Variants in RXFP1 observed in about 807,000 individuals in gnomAD.
RXFP1 encodes the protein relaxin family peptide receptor 1.
Under a neutral mutation model 89.8 loss-of-function variants are expected in RXFP1, and 73 were observed. The observed-to-expected ratio is 0.81, with a 90% CI of 0.67 to 0.99. The LOEUF (loss-of-function observed/expected upper bound fraction) is 0.99, where lower values mean the gene tolerates loss of function less well. Ranked by LOEUF, RXFP1 falls within the 50% of genes least tolerant of loss-of-function variation. The pLI is 0.00. For missense variants in RXFP1, 793 were observed against 895.5 expected, an observed-to-expected ratio of 0.89 and a Z score of 1.46; for synonymous variants, 277 against 305.5, an observed-to-expected ratio of 0.91 and a Z score of 0.97.
intron 2 of RXFP1, among the ~76,000 whole-genome samples, chr4:158,585,416 C>A (rs1415219213): frequency 6.6e-6 from 1 of 152,194 alleles, no homozygotes; most frequent in African/African-American, 2.4e-5. Flanking sequence ...TGTCCCCAAT[C>A]AAATCTCATC....
At chr4:158,647,646 A>T (rs1408527463) in intron 16 of RXFP1, among the ~76,000 whole-genome samples, 1 of 152,182 alleles carries the variant, frequency 6.6e-6, no homozygotes, top group Non-Finnish European at 1.5e-5. Flanking sequence ...AGGTGGGAGG[A>T]TCACTTGAGG....
chr4:158,633,417 TA>T lies in RXFP1; in HGVS notation c.914del (p.Asn305IlefsTer14). The T allele has an allele frequency of 6.3e-7, 1 of 1,585,684 alleles. No individual in the cohort carries two copies. Among genetic ancestry groups the T allele is most frequent in the Non-Finnish European group, 8.7e-7 (1 of 1,155,608 alleles). ...QKLDELDLGS[N>X]KIENLPPLIF... is the part of the protein sequence containing the mutation. ...ATTATTTCTCCAGGGATTTAGGAAG[TA>T]ATAAGATTGAAAATCTTCCACCGCT... is the stretch of plus-strand genomic sequence containing the variant. On this transcript the variant is annotated frameshift_variant, in exon 12 of 18. Coordinates refer to ENST00000307765, the MANE Select transcript of RXFP1 (RefSeq NM_021634.4). LOFTEE classifies it high-confidence loss of function.
Position 158,542,856 on chromosome 4 carries a change from C to G in RXFP1, c.49+20831C>G, listed in dbSNP as rs537324434. Among the ~76,000 whole-genome samples, 3 of 152,148 alleles carry G rather than the reference C, an allele frequency of 2.0e-5. No individual in the cohort carries two copies. The South Asian group carries it at 6.2e-4, about 32-fold the overall frequency. ...TCATAGGTGCAACAAACAGAAGGAC[C>G]AAGCAACAGTGACTTAAACAAATAA... On this transcript the variant is annotated intron_variant, in intron 1 of 17. Transcript: ENST00000307765.
At position 158,599,111 on chromosome 4, in the gene RXFP1, G is replaced by A. The variant is rs886698046; in HGVS notation, c.287-215G>A. ...TAAAAAAATACATGAGCTAGTGTGT[G>A]TTTCCAAATGTTGATGCTCTACCAT... On this transcript the variant is annotated intron_variant, in intron 3 of 17. Coordinates refer to ENST00000307765, the MANE Select transcript of RXFP1 (RefSeq NM_021634.4). The A allele has an allele frequency of 1.2e-5, 7 of 604,458 alleles. No individual in the cohort carries two copies. The East Asian group carries it at 2.0e-4, about 17-fold the overall frequency. 37.4% of individuals were successfully genotyped at this position (604,458 alleles called of 1,614,324 possible).
intron 3 of RXFP1, among the ~76,000 whole-genome samples, chr4:158,599,036 G>T (rs1305985298): frequency 1.3e-5 from 2 of 150,234 alleles, no homozygotes; most frequent in East Asian, 2.0e-4. Flanking sequence ...TGAAATAAGA[G>T]CAGATTATTT....
In RXFP1 at chr4:158,639,316, T is replaced by A. The variant is rs757578675; in HGVS notation, c.1100T>A (p.Met367Lys). The A allele has an allele frequency of 2.6e-6, 4 of 1,543,330 alleles. No individual in the cohort carries two copies. Among genetic ancestry groups the A allele is most frequent in the African/African-American group, 1.4e-5 (1 of 73,576 alleles). Residue 367 changes from methionine to lysine, a missense_variant, in exon 14 of 18, where the codon ATG becomes AAG. Met to Lys is a moderately conservative substitution (Grantham distance 95). Coordinates refer to ENST00000307765, the MANE Select transcript of RXFP1 (RefSeq NM_021634.4). Reference sequence around the variant, plus strand: ...CAACAAAGGATGTTTAGACCTCTTATGAATCTCTCTCACATGTAAGTAGAT... The same window carrying A: ...CAACAAAGGATGTTTAGACCTCTTAAGAATCTCTCTCACATGTAAGTAGAT... ...NIQQRMFRPL[M>K]NLSHIYFKKF...
In RXFP1 at chr4:158,648,547, T is replaced by C; in HGVS notation, c.1805T>C (p.Met602Thr). ...ATCATAGTTTTTTCCTATGGAAGCATGTTTTATAGTGTTCATCAAAGTGCC... is the reference window on the plus strand; with the variant it reads ...ATCATAGTTTTTTCCTATGGAAGCACGTTTTATAGTGTTCATCAAAGTGCC... Reference protein sequence around the residue: ...FIIIVFSYGSMFYSVHQSAIT... With the variant: ...FIIIVFSYGSTFYSVHQSAIT... The change falls in exon 17 of 18, where the codon ATG (methionine) becomes ACG (threonine). Residue 602 changes from methionine to threonine, a missense_variant. Transcript: ENST00000307765. 1 of 1,610,046 alleles carries C rather than the reference T, an allele frequency of 6.2e-7. No homozygotes were observed. The highest frequency in any genetic ancestry group is 2.2e-5 in the East Asian group (1 of 44,734).
intron 1 of RXFP1, among the ~76,000 whole-genome samples, chr4:158,547,546 T>G (rs1288231425): frequency 1.3e-5 from 2 of 152,146 alleles, no homozygotes; most frequent in Non-Finnish European, 2.9e-5. Flanking sequence ...GACGTTAGGG[T>G]GTCAATTTTG....
At chr4:158,537,606 T>C (rs1745578826) in intron 1 of RXFP1, among the ~76,000 whole-genome samples, 1 of 152,174 alleles carries the variant, frequency 6.6e-6, no homozygotes. Flanking sequence ...TTCTAAGTAT[T>C]TCGGACACAC....
In RXFP1 at chr4:158,561,773, G is replaced by A. The variant is rs534783553; in HGVS notation, c.50-10925G>A. Among the ~76,000 whole-genome samples the A allele has an allele frequency of 1.3e-4, 19 of 151,786 alleles. 1 individual carries two copies. Among genetic ancestry groups the A allele is most frequent in the South Asian group, 4.2e-4 (2 of 4,798 alleles). On this transcript the variant is annotated intron_variant, in intron 1 of 17. Coordinates refer to ENST00000307765, the MANE Select transcript of RXFP1 (RefSeq NM_021634.4). ...CTCCTGAGTAGCCAGGATTACAGGC[G>A]TGTGCTACCATGCTCGGCTAATTTT... is the stretch of plus-strand genomic sequence containing the variant.
At position 158,617,200 on chromosome 4, in the gene RXFP1, TTGGCTG is replaced by T. The variant is rs1561136477; in HGVS notation, c.752_755+2del. The T allele has an allele frequency of 6.2e-7, 1 of 1,606,240 alleles. No individual in the cohort carries two copies. Among genetic ancestry groups the T allele is most frequent in the South Asian group, 1.1e-5 (1 of 90,004 alleles). The stretch of plus-strand genomic sequence containing the variant: ...TCTGTCAACACATGCCAAGACTACA[TTGGCTG>T]TAAGCGATTCTGTCTTTTTTTAAAG... On this transcript the variant is annotated splice_donor_variant and coding_sequence_variant, in exon 9 of 18. Coordinates refer to ENST00000307765, the MANE Select transcript of RXFP1 (RefSeq NM_021634.4). LOFTEE classifies it high-confidence loss of function.
In RXFP1 at chr4:158,544,001, C is replaced by T. The variant is rs140346719; in HGVS notation, c.49+21976C>T. On this transcript the variant is annotated intron_variant, in intron 1 of 17. Coordinates refer to ENST00000307765, the MANE Select transcript of RXFP1 (RefSeq NM_021634.4). ...CATGTTTCGTCCATTTTGCCCCTAC[C>T]TTGGGCATTTAAATATAAAGATTCC... 824 of 985,406 alleles carry T rather than the reference C, an allele frequency of 8.4e-4. 7 individuals carry two copies. The African/African-American group carries it at 0.013, about 16-fold the overall frequency. The allele number at this position is 985,406 out of a possible 1,614,324, so 61.0% of individuals were successfully genotyped here. A position where few individuals can be genotyped will look rare whatever the true frequency, so the allele number is the denominator to read the frequency against.
chr4:158,606,873 C>A (rs1175639784), intron 5 of RXFP1, among the ~76,000 whole-genome samples: 1 of 152,052 alleles, frequency 6.6e-6, no homozygotes, highest in Non-Finnish European at 1.5e-5. Flanking sequence ...ACCCACTTCA[C>A]CCAGCCTATA....
At chr4:158,569,846 C>T (rs1354119937) in intron 1 of RXFP1, among the ~76,000 whole-genome samples, 2 of 152,078 alleles carry the variant, frequency 1.3e-5, no homozygotes, top group Non-Finnish European at 2.9e-5. Context: ...GCATTCGAAA[C>T]AATTGGACAA....
Position 158,647,090 on chromosome 4 carries a change from A to G in RXFP1, c.1645A>G (p.Asn549Asp). Reference protein sequence around the residue: ...GFIVAFIPLSNKEFFKNYYGT... With the variant: ...GFIVAFIPLSDKEFFKNYYGT... ...TATAGTGGCTTTCATTCCATTGAGC[A>G]ATAAGGAATTTTTCAAAAACTACTA... Residue 549 changes from asparagine (N) to aspartate (D), a missense_variant, in exon 16 of 18, where the codon AAT becomes GAT. Physicochemically the swap from Asn to Asp is conservative, Grantham distance 23 (BLOSUM62 1). Coordinates refer to ENST00000307765, the MANE Select transcript of RXFP1 (RefSeq NM_021634.4). 6.2e-7 allele frequency: 1 copy of G among 1,614,134 alleles called. No homozygotes were observed. The highest frequency in any genetic ancestry group is 8.5e-7 in the Non-Finnish European group (1 of 1,179,994).
chr4:158,602,648 A>G (rs1007188823), intron 4 of RXFP1, among the ~76,000 whole-genome samples: 5 of 152,226 alleles, frequency 3.3e-5, no homozygotes. Context: ...ATTTATAGAT[A>G]AAGTATAATT....
chr4:158,617,426 A>AAAAT (rs975508767), intron 9 of RXFP1, among the ~76,000 whole-genome samples: 1,800 of 149,196 alleles, frequency 0.012, 37 homozygotes, highest in African/African-American at 0.042. Context: ...TCTCAAAAAA[A>AAAAT]ATATATATAT....
intron 4 of RXFP1, among the ~76,000 whole-genome samples, chr4:158,602,175 A>G (rs866131450): frequency 3.9e-5 from 6 of 152,212 alleles, no homozygotes; most frequent in Non-Finnish European, 5.9e-5. Flanking sequence ...TTCTATCCCA[A>G]TAGGATATTG....
intron 9 of RXFP1, 125 bp from the exon 10 acceptor site, chr4:158,626,695 G>T: frequency 3.9e-6 from 2 of 518,532 alleles, no homozygotes; most frequent in South Asian, 2.8e-5. Flanking sequence ...GGCTACAAGT[G>T]AGAGTCTATA....
Sources: allele counts gnomAD v4.1 joint callset (sites outside exome capture counted in the v4.1 genomes callset), GRCh38; gene constraint gnomAD v4.1.1; transcripts MANE v1.5; gene names NCBI Gene and HGNC (gene_info 2026-07-23, HGNC 2026-07-21).